PKHD1: variants seen among roughly 807,000 people sequenced by gnomAD.
PKHD1 encodes the protein fibrocystin.
PKHD1 carries 291 observed loss-of-function variants against 412.0 expected under a neutral mutation model. The ratio of observed to expected loss-of-function variants is 0.71; its 90% CI spans 0.64 to 0.78. The LOEUF (loss-of-function observed/expected upper bound fraction) is 0.78. PKHD1 is among the 30% of genes least tolerant of loss of function. PKHD1 has a pLI of 0.00. For synonymous variants in PKHD1, 1,777 were observed against 1,821.5 expected, an observed-to-expected ratio of 0.98 and a Z score of 0.62; for missense variants, 4,825 against 4,950.7, an observed-to-expected ratio of 0.97 and a Z score of 0.76.
chr6:51,671,342 G>T (rs1156772484), intron 60 of PKHD1, among the ~76,000 whole-genome samples: 1 of 152,142 alleles, frequency 6.6e-6, no homozygotes, highest in Non-Finnish European at 1.5e-5. Context: ...GATCGCATCA[G>T]CTCCTGAGGG....
At chr6:51,819,894 A>T (rs1407191242) in intron 52 of PKHD1, among the ~76,000 whole-genome samples, 1 of 152,176 alleles carries the variant, frequency 6.6e-6, no homozygotes, top group Non-Finnish European at 1.5e-5. Flanking sequence ...AATGAACTGA[A>T]CGTTAGAATG....
intron 52 of PKHD1, among the ~76,000 whole-genome samples, chr6:51,793,649 G>C (rs4715234): frequency 0.59 from 89,918 of 152,062 alleles, 27,251 homozygotes; most frequent in East Asian, 0.83. Context: ...GGTTGCTAAG[G>C]ATAATGGCCT....
chr6:51,718,891 G>A (rs575783099), intron 60 of PKHD1, among the ~76,000 whole-genome samples: 4 of 152,280 alleles, frequency 2.6e-5, no homozygotes, highest in African/African-American at 9.6e-5. Flanking sequence ...TCACATTTAT[G>A]TTGTAAGAAA....
intron 37 of PKHD1, 38 bp from the exon 38 acceptor site, chr6:51,912,614 A>C: frequency 7.7e-7 from 1 of 1,307,184 alleles, no homozygotes. Context: ...AGATAATTTA[A>C]TCATTAATCA....
intron 36 of PKHD1, among the ~76,000 whole-genome samples, chr6:51,942,217 A>G (rs1350223882): frequency 6.6e-6 from 1 of 151,478 alleles, no homozygotes; most frequent in Non-Finnish European, 1.5e-5. Context: ...TCCCTGACTC[A>G]TCCCAACCCT....
At chr6:51,725,461 T>C (rs1018234151) in intron 60 of PKHD1, among the ~76,000 whole-genome samples, 4 of 152,120 alleles carry the variant, frequency 2.6e-5, no homozygotes, top group Admixed American at 1.3e-4. Context: ...CAACCTATTA[T>C]GTTCATATTT....
chr6:51,801,652 TGTGAGAGA>T (rs895558445), intron 52 of PKHD1, among the ~76,000 whole-genome samples: 3 of 143,198 alleles, frequency 2.1e-5, no homozygotes, highest in African/African-American at 2.7e-5. Flanking sequence ...TGTGTGTGTG[TGTGAGAGA>T]GAGAGAGAGA....
At chr6:51,991,640 T>C (rs1005822032) in intron 35 of PKHD1, among the ~76,000 whole-genome samples, 2 of 152,222 alleles carry the variant, frequency 1.3e-5, no homozygotes, top group Non-Finnish European at 2.9e-5. Context: ...TTGCCTTAAA[T>C]AGGCTAATTG....
intron 18 of PKHD1, 129 bp from the exon 19 acceptor site, chr6:52,055,858 A>C: frequency 1.1e-6 from 1 of 897,302 alleles, no homozygotes; most frequent in Non-Finnish European, 1.7e-6. Flanking sequence ...CCAATTACCC[A>C]TGCAACCTTG....
intron 53 of PKHD1, among the ~76,000 whole-genome samples, chr6:51,787,604 A>G (rs6937928): frequency 0.18 from 27,899 of 152,168 alleles, 2,817 homozygotes; most frequent in African/African-American, 0.28. Flanking sequence ...CATTGGGCAG[A>G]TGGGTTCCAA....
chr6:52,072,544 C>A (rs1424214763), intron 7 of PKHD1, among the ~76,000 whole-genome samples: 2 of 152,152 alleles, frequency 1.3e-5, no homozygotes, highest in African/African-American at 4.8e-5. Flanking sequence ...GATCACCTAG[C>A]AAAATATGGC....
chr6:52,023,589 T>C (rs572501710), intron 32 of PKHD1, among the ~76,000 whole-genome samples: 5 of 152,304 alleles, frequency 3.3e-5, no homozygotes, highest in African/African-American at 1.2e-4. Flanking sequence ...TTTTGGGACA[T>C]TTGTATGAGT....
intron 20 of PKHD1, among the ~76,000 whole-genome samples, chr6:52,053,527 T>G (rs1807211368): frequency 6.6e-6 from 1 of 152,204 alleles, no homozygotes. Flanking sequence ...AATTACAGTT[T>G]AACTGTGTGT....
intron 24 of PKHD1, among the ~76,000 whole-genome samples, chr6:52,045,356 T>A (rs1365516039): frequency 2.6e-5 from 4 of 152,210 alleles, no homozygotes; most frequent in Non-Finnish European, 5.9e-5. Flanking sequence ...TGAGACACTT[T>A]GCTTCTCCAT....
chr6:51,962,859 T>C (rs562398789), intron 35 of PKHD1, among the ~76,000 whole-genome samples: 31 of 152,108 alleles, frequency 2.0e-4, no homozygotes, highest in South Asian at 6.2e-4. Flanking sequence ...CTCATTCTAG[T>C]ATTAAATAAT....
chr6:51,947,255 GC>G (rs1789602528), intron 36 of PKHD1, among the ~76,000 whole-genome samples: 1 of 152,068 alleles, frequency 6.6e-6, no homozygotes, highest in African/African-American at 2.4e-5. Flanking sequence ...CTCCTCACTT[GC>G]CCAGCCTCTT....
intron 52 of PKHD1, among the ~76,000 whole-genome samples, chr6:51,814,636 T>C (rs1477605269): frequency 6.6e-6 from 1 of 151,332 alleles, no homozygotes; most frequent in African/African-American, 2.4e-5. Flanking sequence ...AGCTCTAAAC[T>C]CCTGATTGGC....
intron 60 of PKHD1, among the ~76,000 whole-genome samples, chr6:51,692,641 A>G (rs1778313700): frequency 6.6e-6 from 1 of 152,108 alleles, no homozygotes; most frequent in Non-Finnish European, 1.5e-5. Flanking sequence ...CCCATTTCTT[A>G]GATGTTCAAA....
chr6:51,953,100 G>C (rs1025889989), intron 36 of PKHD1, among the ~76,000 whole-genome samples: 1 of 152,080 alleles, frequency 6.6e-6, no homozygotes, highest in Non-Finnish European at 1.5e-5. Flanking sequence ...AATCAACCTT[G>C]TTGTATTGTC....
Sources: allele counts gnomAD v4.1 joint callset (sites outside exome capture counted in the v4.1 genomes callset), GRCh38; gene constraint gnomAD v4.1.1; transcripts MANE v1.5; gene names NCBI Gene and HGNC (gene_info 2026-07-23, HGNC 2026-07-21).